The following SHPRH variants were observed in gnomAD, a reference collection of about 807,000 sequenced individuals.
The protein encoded by SHPRH is SNF2 histone linker PHD RING helicase.
Under a neutral mutation model 202.5 loss-of-function variants are expected in SHPRH, and 106 were observed. That is an observed-to-expected ratio of 0.52 (90% CI 0.45 to 0.62). The LOEUF is 0.62. Among genes scored for constraint, SHPRH ranks in the 20% least tolerant of loss-of-function variants. The pLI, the probability that SHPRH is intolerant of heterozygous loss-of-function variation, is 0.00. For missense variants in SHPRH, 1,710 were observed against 2,020.0 expected, an observed-to-expected ratio of 0.85 and a Z score of 2.94; for synonymous variants, 729 against 686.0, an observed-to-expected ratio of 1.06 and a Z score of -0.98.
chr6:145,896,122 C>T (rs1781994117), intron 25 of SHPRH, among the ~76,000 whole-genome samples: 1 of 151,944 alleles, frequency 6.6e-6, no homozygotes, highest in South Asian at 2.1e-4. Context: ...GAAAGCTGTA[C>T]TAATTTTAAG....
At chr6:145,878,859 C>T (rs138784970) in intron 2 of SHPRH, among the ~76,000 whole-genome samples, 1 of 152,276 alleles carries the variant, frequency 6.6e-6, no homozygotes, top group Non-Finnish European at 1.5e-5. Flanking sequence ...CCAAAAGAAA[C>T]AACCAGCATT....
At chr6:145,875,618 A>G (rs1780266520) in intron 2 of SHPRH, among the ~76,000 whole-genome samples, 1 of 152,236 alleles carries the variant, frequency 6.6e-6, no homozygotes, top group African/African-American at 2.4e-5. Context: ...ATTCTTTATT[A>G]GAAGTTAGCA....
At chr6:145,864,431 C>A in exon 3 of SHPRH, 1 of 404,142 alleles carries the variant, frequency 2.5e-6, no homozygotes, top group Non-Finnish European at 5.2e-6. Context: ...TTGTCAGGGA[C>A]CAGGGGTGGG....
chr6:145,932,519 G>A lies in SHPRH; in HGVS notation c.3112+538C>T, dbSNP rs147617444. Reference sequence around the variant, plus strand: ...ACACATATACGTTCTGTGTGTGTGTGTGGGAGGGTGTGTGTGTACTTGTCA... The same window carrying A: ...ACACATATACGTTCTGTGTGTGTGTATGGGAGGGTGTGTGTGTACTTGTCA... On this transcript the variant is annotated intron_variant, in intron 14 of 29. Transcript: ENST00000275233. Among the ~76,000 whole-genome samples, 371 of 152,216 alleles carry A rather than the reference G, an allele frequency of 2.4e-3. 2 individuals are homozygous for A. Among genetic ancestry groups the A allele is most frequent in the African/African-American group, 8.2e-3 (340 of 41,530 alleles).
intron 6 of SHPRH, 118 bp downstream of exon 6, chr6:145,947,375 T>C: frequency 8.6e-7 from 1 of 1,166,268 alleles, no homozygotes; most frequent in Non-Finnish European, 1.2e-6. Context: ...CTAATATAAA[T>C]CATTACCCAC....
At position 145,948,338 on chromosome 6, in the gene SHPRH, T is replaced by C; in HGVS notation, c.995A>G (p.His332Arg). Residue 332 changes from histidine (H) to arginine (R), a missense_variant, in exon 5 of 30, where the codon CAC becomes CGC. Physicochemically the swap from His to Arg is conservative, Grantham distance 29. Around this residue, in one of 8 missense-constraint regions of SHPRH, gnomAD observed 459 missense variants for 426.5 expected, o/e 1.08. Coordinates refer to ENST00000275233, the MANE Select transcript of SHPRH (RefSeq NM_001042683.3). ...RSSPATESAL[H>R]FLWREIVTSE... ...TGTAACAATCTCTCGCCATAAGAAGTGCAGGGCACTTTCTAAAGAAAAATA... is the reference window on the plus strand; with the variant it reads ...TGTAACAATCTCTCGCCATAAGAAGCGCAGGGCACTTTCTAAAGAAAAATA... The C allele has an allele frequency of 6.2e-7, 1 of 1,602,488 alleles. No individual in the cohort carries two copies. The highest frequency in any genetic ancestry group is 8.5e-7 in the Non-Finnish European group (1 of 1,174,112).
At position 145,919,455 on chromosome 6, in the gene SHPRH, C is replaced by T. The variant is rs1248378477; in HGVS notation, c.4045G>A (p.Val1349Met). 6.2e-7 allele frequency: 1 copy of T among 1,613,032 alleles called. No individual in the cohort carries two copies. The highest frequency in any genetic ancestry group is 8.5e-7 in the Non-Finnish European group (1 of 1,179,354). The change falls in exon 22 of 30, where the codon GTG (valine) becomes ATG (methionine). Residue 1349 changes from valine (V) to methionine (M), a missense_variant. Transcript: ENST00000275233. Reference sequence around the variant, plus strand: ...ATTGCAAGTTCATCAACAGCAGACACACGATTCCTCAGAGCCATCCAATAT... The same window carrying T: ...ATTGCAAGTTCATCAACAGCAGACATACGATTCCTCAGAGCCATCCAATAT... ...HEYWMALRNR[V>M]SAVDELAMAT...
chr6:145,908,012 T>C (rs1359266630), intron 25 of SHPRH: 1 of 152,014 alleles, frequency 6.6e-6, no homozygotes, highest in Admixed American at 6.6e-5. Context: ...AGTGAGAACA[T>C]GTGGTGGTTT....
At chr6:145,868,644 C>T (rs1325933809) in intron 2 of SHPRH, among the ~76,000 whole-genome samples, 2 of 152,130 alleles carry the variant, frequency 1.3e-5, no homozygotes, top group African/African-American at 2.4e-5. Context: ...GATAATCTAG[C>T]TTTCTTAGAA....
chr6:145,899,804 A>C (rs574786970), intron 25 of SHPRH, among the ~76,000 whole-genome samples: 2 of 152,306 alleles, frequency 1.3e-5, no homozygotes, highest in South Asian at 4.1e-4. Flanking sequence ...CAAACAACTC[A>C]ACAGCAAGAA....
At chr6:145,946,845 T>C (rs1298346367) in intron 6 of SHPRH, among the ~76,000 whole-genome samples, 1 of 152,024 alleles carries the variant, frequency 6.6e-6, no homozygotes, top group Non-Finnish European at 1.5e-5. Flanking sequence ...TGGTGGGTCC[T>C]AGAGGTAATT....
At chr6:145,929,963 A>G (rs1785263385) in intron 14 of SHPRH, among the ~76,000 whole-genome samples, 1 of 152,102 alleles carries the variant, frequency 6.6e-6, no homozygotes, top group Non-Finnish European at 1.5e-5. Flanking sequence ...ATTAAGAACA[A>G]TAGTTGAGGT....
chr6:145,864,608 T>A, intron 2 of SHPRH: 1 of 167,520 alleles, frequency 6.0e-6, no homozygotes. Context: ...AAAGAAATTT[T>A]TTTTTTTTTT....
At chr6:145,870,259 A>ATTTTTTTTTTTTTT (rs146513776) in intron 2 of SHPRH, among the ~76,000 whole-genome samples, 2 of 107,764 alleles carry the variant, frequency 1.9e-5, no homozygotes, top group East Asian at 5.4e-4. Context: ...ATCGTTTCAG[A>ATTTTTTTTTTTTTT]TTTTTTTTTT....
chr6:145,923,760 A>G lies in SHPRH; in HGVS notation c.3428T>C (p.Leu1143Pro). ...RKIHSNSPWW[L>P]NVIHRAIEFT... ...TTCTATTGCTCTGTGGATCACATTT[A>G]GCCACCAAGGAGAATTAGAATGAAT... The change falls in exon 18 of 30, where the codon CTA becomes CCA. Residue 1143 changes from leucine (L) to proline (P), a missense_variant. Transcript: ENST00000275233. The G allele has an allele frequency of 6.2e-7, 1 of 1,610,204 alleles. No homozygotes were observed. Among genetic ancestry groups the G allele is most frequent in the Non-Finnish European group, 8.5e-7 (1 of 1,177,766 alleles).
chr6:145,875,943 C>T (rs1447719709), intron 2 of SHPRH, among the ~76,000 whole-genome samples: 1 of 152,162 alleles, frequency 6.6e-6, no homozygotes, highest in Non-Finnish European at 1.5e-5. Flanking sequence ...GTTTTGCATG[C>T]CAAATGATAT....
At chr6:145,867,617 T>G (rs1170328597) in intron 2 of SHPRH, among the ~76,000 whole-genome samples, 1 of 69,232 alleles carries the variant, frequency 1.4e-5, no homozygotes, top group Non-Finnish European at 2.6e-5. Flanking sequence ...TATATATATA[T>G]ATATATATAT....
intron 25 of SHPRH, chr6:145,906,061 T>C (rs937810442): frequency 2.0e-5 from 3 of 152,088 alleles, no homozygotes; most frequent in African/African-American, 7.2e-5. Context: ...AGCAGCCCTT[T>C]TGAGTGAAGG....
chr6:145,876,662 T>C (rs1780319222), intron 2 of SHPRH: 1 of 152,200 alleles, frequency 6.6e-6, no homozygotes, highest in African/African-American at 2.4e-5. Context: ...TGAACACATG[T>C]TTTCATTTCT....
Sources: gnomAD v4.1 joint callset for allele counts (sites outside exome capture counted in the v4.1 genomes callset) on GRCh38, gnomAD v4.1.1 for gene constraint, gnomAD v4.1.1 regional missense constraint, MANE v1.5 for transcripts, NCBI Gene and HGNC (gene_info 2026-07-23, HGNC 2026-07-21) for gene names.